The following SLC4A1 variants were observed in gnomAD, a reference collection of about 807,000 sequenced individuals.
The protein encoded by SLC4A1 is solute carrier family 4 member 1 (Diego blood group), also known as band 3 anion transport protein.
A neutral mutation model predicts 93.1 loss-of-function variants in SLC4A1; 29 were observed. The ratio of observed to expected loss-of-function variants is 0.31; its 90% CI spans 0.23 to 0.42. SLC4A1 has a LOEUF of 0.42. Ranked by LOEUF, SLC4A1 falls within the 20% of genes least tolerant of loss-of-function variation. The pLI, the probability that SLC4A1 is intolerant of heterozygous loss-of-function variation, is 1.00. For missense variants in SLC4A1, 965 were observed against 1,190.1 expected (o/e 0.81, Z 2.78); for synonymous variants, 469 against 497.2 (o/e 0.94, Z 0.76).
rs13306779 is a variant in SLC4A1 at position 44,249,757 on chromosome 17, G to C, written c.*701C>G. The C allele has an allele frequency of 6.4e-6, 1 of 155,230 alleles. No homozygotes were observed. The highest frequency in any genetic ancestry group is 1.9e-4 in the East Asian group (1 of 5,224). The allele number at this position is 155,230 out of a possible 1,614,324, so 9.6% of individuals were successfully genotyped here. A position where few individuals can be genotyped will look rare whatever the true frequency, so the allele number is the denominator to read the frequency against. On this transcript the variant is annotated 3_prime_UTR_variant, in exon 20 of 20. Coordinates refer to ENST00000262418, the MANE Select transcript of SLC4A1 (RefSeq NM_000342.4). ...CCCAGAGAAGAGGGTCTCAAGGTAG[G>C]GGCTGGGAGCAGAGTGGGGAAGGGA...
rs1261856849 is a variant in SLC4A1 at position 44,262,736 on chromosome 17, G to A, written c.16-10C>T. The A allele has an allele frequency of 6.2e-7, 1 of 1,613,716 alleles. No individual in the cohort carries two copies. Among genetic ancestry groups the A allele is most frequent in the African/African-American group, 1.3e-5 (1 of 75,056 alleles). On this transcript the variant is annotated splice_polypyrimidine_tract_variant and intron_variant, in intron 2 of 19. Coordinates refer to ENST00000262418, the MANE Select transcript of SLC4A1 (RefSeq NM_000342.4). The stretch of plus-strand genomic sequence containing the variant: ...TGTCTTCATAATCATCCTGTGGGAA[G>A]TGGCCGCTGAGGCTGGGCTGTGAGG...
chr17:44,263,612 C>T (rs759024541), intron 1 of SLC4A1, among the ~76,000 whole-genome samples: 3 of 152,116 alleles, frequency 2.0e-5, no homozygotes, highest in Admixed American at 1.3e-4. Flanking sequence ...ACATCTCGGC[C>T]CAAATGTCTC....
chr17:44,251,293 T>C lies in SLC4A1; in HGVS notation c.2521A>G (p.Ile841Val). The C allele has an allele frequency of 6.2e-7, 1 of 1,614,212 alleles. No individual in the cohort carries two copies. The highest frequency in any genetic ancestry group is 8.5e-7 in the Non-Finnish European group (1 of 1,180,036). Residue 841 changes from isoleucine (I) to valine (V), a missense_variant, in exon 19 of 20, where the codon ATC becomes GTC. This residue lies in a region of SLC4A1 where 770 missense variants were observed against 1,006.6 expected (regional missense o/e 0.76). Transcript: ENST00000262418. ...WRMHLFTGIQIICLAVLWVVK... is the reference protein window; with the variant it reads ...WRMHLFTGIQVICLAVLWVVK... ...ACCCACAGCACTGCCAGGCAGATGA[T>C]CTGGATGCCCGTGAATAAGTGCATG...
Position 44,255,745 on chromosome 17 carries a change from C to T in SLC4A1, c.1728G>A (p.Val576=), listed in dbSNP as rs762661840. 4 of 1,614,102 alleles carry T rather than the reference C, an allele frequency of 2.5e-6. No homozygotes were observed. Among genetic ancestry groups the T allele is most frequent in the East Asian group, 2.2e-5 (1 of 44,874 alleles). The change falls in exon 14 of 20, where the codon GTG becomes GTA. Residue 576 remains valine (V), a synonymous_variant. Coordinates refer to ENST00000262418, the MANE Select transcript of SLC4A1 (RefSeq NM_000342.4). ...CAAAGAAGAAGGTACCGGCCATGAG[C>T]ACAAGGGAGAGGAGGGCTGTGTTGG... is the stretch of plus-strand genomic sequence containing the variant. ...PLPNTALLSL[V]LMAGTFFFAM...
intron 3 of SLC4A1, 91 bp downstream of exon 3, chr17:44,262,545 G>T: frequency 2.2e-6 from 2 of 909,946 alleles, no homozygotes; most frequent in Non-Finnish European, 3.5e-6. Flanking sequence ...TTGGGAGGAG[G>T]ACTGTGGAGA....
chr17:44,263,040 G>A, intron 1 of SLC4A1, 106 bp from the exon 2 acceptor site: 1 of 912,568 alleles, frequency 1.1e-6, no homozygotes, highest in East Asian at 2.5e-5. Context: ...CGTGTTGGAG[G>A]TGGTAGGGCC....
In SLC4A1 at chr17:44,259,489, G is replaced by C; in HGVS notation, c.694+8C>G. The C allele has an allele frequency of 6.2e-7, 1 of 1,611,478 alleles. No individual in the cohort carries two copies. The highest frequency in any genetic ancestry group is 8.5e-7 in the Non-Finnish European group (1 of 1,177,536). On this transcript the variant is annotated splice_region_variant and intron_variant, in intron 8 of 19. Coordinates refer to ENST00000262418, the MANE Select transcript of SLC4A1 (RefSeq NM_000342.4). Reference sequence around the variant, plus strand: ...TGGAGGGCTGAGGGTAGAGATGCCTGTTCTTACCCACTAGCACCAACGTGG... The same window carrying C: ...TGGAGGGCTGAGGGTAGAGATGCCTCTTCTTACCCACTAGCACCAACGTGG...
Position 44,258,523 on chromosome 17 carries a change from G to T in SLC4A1, c.977C>A (p.Ala326Asp), listed in dbSNP as rs2047411257. ...DCSLVLPPTDAPSEQALLSLV... is the reference protein window; with the variant it reads ...DCSLVLPPTDDPSEQALLSLV... ...ACTGAGCAGTGCCTGCTCGGAGGGG[G>T]CATCGGTGGGAGGCAGCACTAGGCT... Residue 326 changes from alanine (A) to aspartate (D), a missense_variant, in exon 10 of 20, where the codon GCC becomes GAC. Coordinates refer to ENST00000262418, the MANE Select transcript of SLC4A1 (RefSeq NM_000342.4). This position sits in a 1 kb window ranked among gnomAD's most constrained non-coding sequence, Gnocchi z 6.1. The T allele has an allele frequency of 3.1e-6, 5 of 1,614,000 alleles. No individual in the cohort carries two copies. The highest frequency in any genetic ancestry group is 4.2e-6 in the Non-Finnish European group (5 of 1,179,978).
At chr17:44,259,433 A>G (rs2047421607) in intron 8 of SLC4A1, 64 bp downstream of exon 8, 22 of 1,602,992 alleles carry the variant, frequency 1.4e-5, no homozygotes, top group Non-Finnish European at 1.9e-5. Flanking sequence ...AGGCTGAGGG[A>G]AAGACAGGCT....
chr17:44,255,133 G>C, intron 15 of SLC4A1, 74 bp downstream of exon 15: 1 of 1,037,964 alleles, frequency 9.6e-7, no homozygotes, highest in Non-Finnish European at 1.5e-6. Context: ...GCTATTCTAG[G>C]GAAGGGGCAT....
rs201142415 is a variant in SLC4A1 at position 44,251,893 on chromosome 17, C to G, written c.2312-305G>C. On this transcript the variant is annotated intron_variant, in intron 17 of 19. Transcript: ENST00000262418. ...GAACTACAGGCACATACAACCACACCTGGATCATTTTTTTTTTTTTTAATT... is the reference window on the plus strand; with the variant it reads ...GAACTACAGGCACATACAACCACACGTGGATCATTTTTTTTTTTTTTAATT... 2.4e-4 allele frequency among the ~76,000 whole-genome samples: 36 copies of G among 149,730 alleles called. No individual in the cohort carries two copies. The East Asian group carries it at 6.3e-3, about 26-fold the overall frequency.
At chr17:44,256,850 A>T (rs1013699088) in intron 13 of SLC4A1, among the ~76,000 whole-genome samples, 2 of 152,232 alleles carry the variant, frequency 1.3e-5, no homozygotes, top group African/African-American at 4.8e-5. Context: ...CAGATGTGTG[A>T]CTACACAGAC....
rs765891978 is a variant in SLC4A1 at position 44,258,106 on chromosome 17, G to A, written c.1162C>T (p.Arg388Cys). 4.3e-5 allele frequency: 69 copies of A among 1,613,972 alleles called. No homozygotes were observed. Among genetic ancestry groups the A allele is most frequent in the Non-Finnish European group, 5.6e-5 (66 of 1,180,016 alleles). ...TCACTCAGGTAATAGGGGTAGCGGC[G>A]CCGGATATCACGCACCAGGCCCCCG... ...LFGGLVRDIR[R>C]RYPYYLSDIT... Residue 388 changes from arginine to cysteine, a missense_variant, in exon 11 of 20, where the codon CGC becomes TGC. Physicochemically the swap from Arg to Cys is radical, Grantham distance 180. This residue lies in a region of SLC4A1 where 770 missense variants were observed against 1,006.6 expected (regional missense o/e 0.76). Transcript: ENST00000262418. The surrounding 1 kb of genome is among the most constrained non-coding windows in gnomAD (Gnocchi z 6.1).
chr17:44,254,436 T>C, intron 16 of SLC4A1, 60 bp downstream of exon 16: 1 of 1,535,384 alleles, frequency 6.5e-7, no homozygotes, highest in Non-Finnish European at 9.0e-7. Flanking sequence ...CCTGGGAGAA[T>C]GCCAGGGAAA....
In SLC4A1 at chr17:44,253,137, G is replaced by T; in HGVS notation, c.2292C>A (p.Leu764=). ...ACTCACCCACAAGCACAGCGACCAG[G>T]AGTCCACTGATCCGCTGCTCTTTGA... ...QEVKEQRISG[L]LVAVLVGLSI... Residue 764 remains leucine, a synonymous_variant, in exon 17 of 20, where the codon CTC becomes CTA. Transcript: ENST00000262418. The T allele has an allele frequency of 6.2e-7, 1 of 1,612,720 alleles. No homozygotes were observed.
At chr17:44,257,893 G>A (rs2047404338) in intron 11 of SLC4A1, 86 bp from the exon 12 acceptor site, 1 of 1,603,462 alleles carries the variant, frequency 6.2e-7, no homozygotes, top group Non-Finnish European at 8.5e-7. Context: ...CTGATGCAGG[G>A]GTCTGGAGGG....
At chr17:44,257,919 A>C in intron 11 of SLC4A1, 67 bp downstream of exon 11, 2 of 1,608,504 alleles carry the variant, frequency 1.2e-6, no homozygotes, top group Non-Finnish European at 1.7e-6. Context: ...CAGAGTCAGA[A>C]GTTGGGGCTG....
chr17:44,262,828 C>T (rs371367152), intron 2 of SLC4A1, 24 bp downstream of exon 2: 4 of 1,613,544 alleles, frequency 2.5e-6, no homozygotes, highest in East Asian at 2.2e-5. Flanking sequence ...GGTGGGAGCA[C>T]TGCTGATGCC....
At chr17:44,267,352 T>C (rs74348051) in intron 1 of SLC4A1, among the ~76,000 whole-genome samples, 3 of 152,352 alleles carry the variant, frequency 2.0e-5, no homozygotes, top group Middle Eastern at 3.4e-3. Context: ...GCCCATCTCA[T>C]AGACCTGTTG....
Sources: allele counts gnomAD v4.1 joint callset (sites outside exome capture counted in the v4.1 genomes callset), GRCh38; gene constraint gnomAD v4.1.1; regional missense constraint gnomAD v4.1.1; non-coding constraint Gnocchi (gnomAD v3.1); transcripts MANE v1.5; gene names NCBI Gene and HGNC (gene_info 2026-07-23, HGNC 2026-07-21).